The following RNF38 variants were observed in gnomAD, a reference collection of about 807,000 sequenced individuals.
RNF38 encodes the protein ring finger protein 38.
A neutral mutation model predicts 67.2 loss-of-function variants in RNF38; 15 were observed. That is an observed-to-expected ratio of 0.22 (90% CI 0.15 to 0.34). The LOEUF (loss-of-function observed/expected upper bound fraction) is 0.34, where lower values mean the gene tolerates loss of function less well. Ranked by LOEUF, RNF38 falls within the 10% of genes least tolerant of loss-of-function variation. The pLI, the probability that RNF38 is intolerant of heterozygous loss-of-function variation, is 1.00. For synonymous variants in RNF38, 220 were observed against 218.8 expected, an observed-to-expected ratio of 1.01 and a Z score of -0.05; for missense variants, 524 against 639.9, an observed-to-expected ratio of 0.82 and a Z score of 1.95.
intron 4 of RNF38, among the ~76,000 whole-genome samples, chr9:36,365,511 T>G (rs1235407626): frequency 1.3e-5 from 2 of 152,034 alleles, no homozygotes; most frequent in Non-Finnish European, 1.5e-5. Flanking sequence ...GAAGCTGCAG[T>G]GAGCCAAGAT....
At chr9:36,464,073 A>T (rs1285878800) in intron 1 of RNF38, among the ~76,000 whole-genome samples, 1 of 152,096 alleles carries the variant, frequency 6.6e-6, no homozygotes, top group African/African-American at 2.4e-5. Context: ...TTGAGGCAGG[A>T]GAATGGCGTG....
chr9:36,410,784 T>C (rs1266383927), intron 2 of RNF38, among the ~76,000 whole-genome samples: 1 of 152,192 alleles, frequency 6.6e-6, no homozygotes, highest in African/African-American at 2.4e-5. Flanking sequence ...ACAATCCTAT[T>C]AGTCAGCAGT....
At chr9:36,441,987 T>C (rs917523274) in intron 1 of RNF38, among the ~76,000 whole-genome samples, 4 of 152,232 alleles carry the variant, frequency 2.6e-5, no homozygotes, top group Non-Finnish European at 4.4e-5. Flanking sequence ...TCTTAGACAC[T>C]AATGATAATT....
intron 2 of RNF38, among the ~76,000 whole-genome samples, chr9:36,419,170 C>T (rs1202771038): frequency 1.3e-5 from 2 of 152,136 alleles, no homozygotes; most frequent in African/African-American, 4.8e-5. Flanking sequence ...GGATGCTCAA[C>T]CAGTATATAA....
intron 9 of RNF38, among the ~76,000 whole-genome samples, chr9:36,347,908 C>CTACTAAAAA (rs1370243330): frequency 1.3e-5 from 2 of 151,982 alleles, no homozygotes; most frequent in African/African-American, 4.8e-5. Flanking sequence ...AACCCCGTCT[C>CTACTAAAAA]TACTAAAAAT....
Position 36,376,130 on chromosome 9 carries a change from G to T in RNF38, c.163-3C>A. On this transcript the variant is annotated splice_region_variant and splice_polypyrimidine_tract_variant and intron_variant, in intron 2 of 11. Transcript: ENST00000259605. ...TTAGGACTTGGACTATCTTCACTCT[G>T]CCAATGCAACAAAATGGATCAACTG... 1 of 1,552,520 alleles carries T rather than the reference G, an allele frequency of 6.4e-7. No individual in the cohort carries two copies. The highest frequency in any genetic ancestry group is 8.7e-7 in the Non-Finnish European group (1 of 1,155,060).
chr9:36,398,444 G>A (rs867070345), intron 1 of RNF38, among the ~76,000 whole-genome samples: 1 of 152,172 alleles, frequency 6.6e-6, no homozygotes, highest in Non-Finnish European at 1.5e-5. Context: ...AATGAAAGAT[G>A]TAAGAGTTGG....
At position 36,449,954 on chromosome 9, in the gene RNF38, T is replaced by C. The variant is rs59864278; in HGVS notation, n.242-25271A>G. 2.7e-3 allele frequency among the ~76,000 whole-genome samples: 412 copies of C among 152,310 alleles called. 3 individuals carry two copies. Among genetic ancestry groups the C allele is most frequent in the African/African-American group, 9.3e-3 (385 of 41,578 alleles). On this transcript the variant is annotated intron_variant and non_coding_transcript_variant, in intron 1 of 3. Transcript: ENST00000488058. The stretch of plus-strand genomic sequence containing the variant: ...TAGGTCTTTCTCCCCATAAAATACA[T>C]AGTATTGACAAACATATTCGCTCTG...
chr9:36,436,324 A>G (rs745313824), intron 1 of RNF38, among the ~76,000 whole-genome samples: 13 of 152,236 alleles, frequency 8.5e-5, no homozygotes, highest in Non-Finnish European at 4.4e-5. Flanking sequence ...TTAAACAGTG[A>G]TAATCCAAAC....
At chr9:36,430,161 A>G (rs983152841) in intron 1 of RNF38, among the ~76,000 whole-genome samples, 1 of 152,294 alleles carries the variant, frequency 6.6e-6, no homozygotes, top group East Asian at 1.9e-4. Context: ...AAGACCTCCT[A>G]AAGAGAAGGT....
At chr9:36,349,421 CTTCT>C (rs1258188388) in intron 9 of RNF38, among the ~76,000 whole-genome samples, 1 of 152,096 alleles carries the variant, frequency 6.6e-6, no homozygotes, top group Non-Finnish European at 1.5e-5. Flanking sequence ...CATTTTGTGT[CTTCT>C]TTGAGAAATG....
intron 1 of RNF38, among the ~76,000 whole-genome samples, chr9:36,486,952 C>G (rs1322040312): frequency 6.6e-6 from 1 of 152,028 alleles, no homozygotes; most frequent in Non-Finnish European, 1.5e-5. Flanking sequence ...GGGCCCGCGC[C>G]GGCCCAGGGT....
intron 2 of RNF38, among the ~76,000 whole-genome samples, chr9:36,416,057 A>G (rs2381520): frequency 0.99 from 150,701 of 151,774 alleles, 74,826 homozygotes; most frequent in Middle Eastern, 1. Context: ...GATGGGTGGC[A>G]CCATAGAGCT....
intron 2 of RNF38, among the ~76,000 whole-genome samples, chr9:36,413,233 T>TA (rs776182881): frequency 3.1e-4 from 46 of 147,374 alleles, no homozygotes; most frequent in Non-Finnish European, 3.3e-4. Flanking sequence ...CCATCTCAAT[T>TA]TAAAAAAAAA....
chr9:36,420,930 T>C (rs1047467442), intron 2 of RNF38, among the ~76,000 whole-genome samples: 1 of 131,210 alleles, frequency 7.6e-6, no homozygotes, highest in Non-Finnish European at 1.7e-5. Context: ...CTATAAACTA[T>C]AAACAGATAC....
chr9:36,459,042 T>A lies in RNF38; in HGVS notation n.241+28266A>T, dbSNP rs374300307. ...GGCCAACATGGTGAAACCCTGTCTC[T>A]ACTAAAAATACAAAAATTAGGTGGG... On this transcript the variant is annotated intron_variant and non_coding_transcript_variant, in intron 1 of 3. Coordinates refer to the RNF38 transcript ENST00000488058. 3.9e-5 allele frequency among the ~76,000 whole-genome samples: 6 copies of A among 152,016 alleles called. No individual in the cohort carries two copies. The East Asian group carries it at 9.7e-4, about 24-fold the overall frequency.
At chr9:36,352,687 A>G in intron 8 of RNF38, 55 bp downstream of exon 8, 1 of 1,236,902 alleles carries the variant, frequency 8.1e-7, no homozygotes, top group Non-Finnish European at 1.2e-6. Flanking sequence ...CACAAAGGAA[A>G]GAGAATCTCA....
chr9:36,384,674 G>A (rs561424540), intron 2 of RNF38, among the ~76,000 whole-genome samples: 1 of 152,210 alleles, frequency 6.6e-6, no homozygotes, highest in South Asian at 2.1e-4. Flanking sequence ...AAATAAATGT[G>A]GTTATGTTAT....
intron 2 of RNF38, among the ~76,000 whole-genome samples, chr9:36,382,329 G>A (rs936978936): frequency 6.6e-6 from 1 of 152,146 alleles, no homozygotes; most frequent in African/African-American, 2.4e-5. Context: ...GAGGAAGGAA[G>A]GAAAGGCAGG....
Sources: allele counts gnomAD v4.1 joint callset (sites outside exome capture counted in the v4.1 genomes callset), GRCh38; gene constraint gnomAD v4.1.1; transcripts MANE v1.5; gene names NCBI Gene and HGNC (gene_info 2026-07-23, HGNC 2026-07-21).